Variants in PTK7 observed in about 807,000 individuals in gnomAD.
The protein encoded by PTK7 is inactive tyrosine-protein kinase 7.
In PTK7, 39 loss-of-function variants were observed where a neutral mutation model predicts 116.6. The observed-to-expected ratio is 0.33, with a 90% CI of 0.26 to 0.44. PTK7 has a LOEUF of 0.44. Ranked by LOEUF, PTK7 falls within the 20% of genes least tolerant of loss-of-function variation. The pLI is 1.00. For missense variants in PTK7, 1,169 were observed against 1,425.6 expected (o/e 0.82, Z 2.90); for synonymous variants, 546 against 563.6 (o/e 0.97, Z 0.44).
intron 1 of PTK7, among the ~76,000 whole-genome samples, chr6:43,107,172 C>T (rs1279422584): frequency 6.6e-6 from 1 of 152,076 alleles, no homozygotes; most frequent in Non-Finnish European, 1.5e-5. Context: ...GATCTGCCAT[C>T]CTCGACCTCC....
Position 43,130,784 on chromosome 6 carries a change from A to C in PTK7, c.812+123A>C. ...ACATGTATTATTTCAAATTTCCAAG[A>C]GACACAGTTGAATGTTTTGCTTTTA... On this transcript the variant is annotated intron_variant, in intron 5 of 19. Coordinates refer to ENST00000230419, the MANE Select transcript of PTK7 (RefSeq NM_002821.5). The C allele has an allele frequency of 6.7e-6, 9 of 1,343,042 alleles. No individual in the cohort carries two copies. The South Asian group carries it at 1.2e-4, about 18-fold the overall frequency. 83.2% of individuals were successfully genotyped at this position (1,343,042 alleles called of 1,614,324 possible). A position where few individuals can be genotyped will look rare whatever the true frequency, so the allele number is the denominator to read the frequency against.
intron 1 of PTK7, among the ~76,000 whole-genome samples, chr6:43,079,580 TC>T (rs1766252249): frequency 6.6e-6 from 1 of 152,052 alleles, no homozygotes; most frequent in Non-Finnish European, 1.5e-5. Flanking sequence ...ACACACAACT[TC>T]CCTGTATACT....
intron 10 of PTK7, among the ~76,000 whole-genome samples, chr6:43,140,723 AC>A (rs1264541225): frequency 6.6e-6 from 1 of 152,172 alleles, no homozygotes; most frequent in Non-Finnish European, 1.5e-5. Flanking sequence ...CCCTGTCTGT[AC>A]AAAAAATTTA....
intron 17 of PTK7, among the ~76,000 whole-genome samples, chr6:43,147,066 G>A (rs1770769901): frequency 6.6e-6 from 1 of 152,248 alleles, no homozygotes; most frequent in Admixed American, 6.5e-5. Flanking sequence ...GCAGCAAGCA[G>A]TCCTAGTGCA....
At chr6:43,126,097 A>G (rs1175488029) in intron 1 of PTK7, among the ~76,000 whole-genome samples, 3 of 152,116 alleles carry the variant, frequency 2.0e-5, no homozygotes, top group Non-Finnish European at 4.4e-5. Context: ...AGGTGGGTGG[A>G]TCACTTGAGG....
At chr6:43,157,378 T>TTTTTTC (rs1771562588) in intron 17 of PTK7, among the ~76,000 whole-genome samples, 8 of 79,782 alleles carry the variant, frequency 1.0e-4, no homozygotes, top group South Asian at 4.6e-4. Flanking sequence ...TTTTTTTTCT[T>TTTTTTC]TTTTTTTTTT....
rs954356976 is a variant in PTK7 at position 43,150,356 on chromosome 6, G to A, written c.2721+3658G>A. On this transcript the variant is annotated intron_variant, in intron 17 of 19. Coordinates refer to ENST00000230419, the MANE Select transcript of PTK7 (RefSeq NM_002821.5). ...ATAACAGTATTTGAGAATTACTCCA[G>A]TGGCTATCTGATGGCATCTTGCCCA... Among the ~76,000 whole-genome samples the A allele has an allele frequency of 3.3e-5, 5 of 152,218 alleles. No individual in the cohort carries two copies. In the East Asian group the frequency reaches 9.6e-4, roughly 29 times the overall value.
chr6:43,077,097 C>G (rs980720837), intron 1 of PTK7: 8 of 1,193,734 alleles, frequency 6.7e-6, no homozygotes, highest in Non-Finnish European at 8.6e-6. Flanking sequence ...CTCCGAGTTC[C>G]TGGGCAAAGC....
In PTK7 at chr6:43,143,426, T is replaced by C. The variant is rs143542287; in HGVS notation, c.2057T>C (p.Val686Ala). The C allele has an allele frequency of 1.9e-6, 3 of 1,613,784 alleles. No individual in the cohort carries two copies. The African/African-American group carries it at 4.0e-5, about 22-fold the overall frequency. The change falls in exon 14 of 20, where the codon GTG (valine) becomes GCG (alanine). Residue 686 changes from valine (V) to alanine (A), a missense_variant. By Grantham distance (64) the Val-to-Ala change is moderately conservative (BLOSUM62 0). This residue lies in a region of PTK7 where 678 missense variants were observed against 853.8 expected (regional missense o/e 0.79). Coordinates refer to ENST00000230419, the MANE Select transcript of PTK7 (RefSeq NM_002821.5). This position sits in a 1 kb window ranked among gnomAD's most constrained non-coding sequence, Gnocchi z 4.2. ...EAPLYVVDKPVPEESEGPGSP... is the reference protein window; with the variant it reads ...EAPLYVVDKPAPEESEGPGSP... Reference sequence around the variant, plus strand: ...TCTGTGTGTCTCTCAGACAAGCCTGTGCCGGAGGAGTCGGAGGGCCCTGGC... The same window carrying C: ...TCTGTGTGTCTCTCAGACAAGCCTGCGCCGGAGGAGTCGGAGGGCCCTGGC...
intron 1 of PTK7, among the ~76,000 whole-genome samples, chr6:43,088,722 T>TAAAG: frequency 6.6e-6 from 1 of 151,710 alleles, no homozygotes; most frequent in Middle Eastern, 3.4e-3. Context: ...AATAAATAAA[T>TAAAG]AAATAAATAA....
chr6:43,085,277 T>C (rs1343726058), intron 1 of PTK7, among the ~76,000 whole-genome samples: 1 of 152,160 alleles, frequency 6.6e-6, no homozygotes, highest in Non-Finnish European at 1.5e-5. Context: ...TCAGCCTTTC[T>C]TTTTTGAGAT....
chr6:43,080,229 G>C (rs1413440538), intron 1 of PTK7, among the ~76,000 whole-genome samples: 1 of 152,000 alleles, frequency 6.6e-6, no homozygotes, highest in Non-Finnish European at 1.5e-5. Context: ...GCAGGCGCCT[G>C]TAGTCCCAGC....
intron 1 of PTK7, among the ~76,000 whole-genome samples, chr6:43,104,818 T>C (rs1767776330): frequency 6.8e-6 from 1 of 146,564 alleles, no homozygotes; most frequent in Non-Finnish European, 1.5e-5. Context: ...CTTTTTTTTT[T>C]TTTTTTTTTT....
intron 1 of PTK7, among the ~76,000 whole-genome samples, chr6:43,084,909 C>G (rs138180980): frequency 4.9e-4 from 74 of 152,238 alleles, no homozygotes; most frequent in Non-Finnish European, 7.4e-4. Flanking sequence ...GTAAAGTCAT[C>G]GGACCAGGAT....
At chr6:43,085,321 G>A (rs1766593381) in intron 1 of PTK7, among the ~76,000 whole-genome samples, 1 of 152,120 alleles carries the variant, frequency 6.6e-6, no homozygotes, top group Non-Finnish European at 1.5e-5. Context: ...CTGGAGTGCA[G>A]TAGTGCGATC....
At chr6:43,107,191 TG>T (rs1034382769) in intron 1 of PTK7, among the ~76,000 whole-genome samples, 1 of 152,202 alleles carries the variant, frequency 6.6e-6, no homozygotes, top group African/African-American at 2.4e-5. Flanking sequence ...CCCAAAGTGC[TG>T]GGATTACAGG....
chr6:43,139,847 C>G lies in PTK7; in HGVS notation c.1618+322C>G, dbSNP rs534548517. On this transcript the variant is annotated intron_variant, in intron 10 of 19. Transcript: ENST00000230419. This position sits in a 1 kb window ranked among gnomAD's most constrained non-coding sequence, Gnocchi z 4.6. ...ATTACATGGAGGCCGTGCATAGTGG[C>G]TCACGCCTGTAATCCCAACACTTTG... 1.6e-4 allele frequency among the ~76,000 whole-genome samples: 24 copies of G among 152,378 alleles called. No individual in the cohort carries two copies. The highest frequency in any genetic ancestry group is 4.8e-4 in the African/African-American group (20 of 41,594).
intron 17 of PTK7, among the ~76,000 whole-genome samples, chr6:43,148,311 G>A (rs1770844161): frequency 6.6e-6 from 1 of 152,188 alleles, no homozygotes; most frequent in Non-Finnish European, 1.5e-5. Context: ...TTATGATCTA[G>A]TGAGGAGATT....
chr6:43,094,088 G>T (rs939454316), intron 1 of PTK7, among the ~76,000 whole-genome samples: 1 of 152,232 alleles, frequency 6.6e-6, no homozygotes, highest in Non-Finnish European at 1.5e-5. Flanking sequence ...AAGTTACAAA[G>T]TTGCAAACGA....
Sources: allele counts gnomAD v4.1 joint callset (sites outside exome capture counted in the v4.1 genomes callset), GRCh38; gene constraint gnomAD v4.1.1; regional missense constraint gnomAD v4.1.1; non-coding constraint Gnocchi (gnomAD v3.1); transcripts MANE v1.5; gene names NCBI Gene and HGNC (gene_info 2026-07-23, HGNC 2026-07-21).